EDIL3: variants seen among roughly 807,000 people sequenced by gnomAD.
The protein encoded by EDIL3 is EGF like and discoidin domains 3.
In EDIL3, 37 loss-of-function variants were observed where a neutral mutation model predicts 67.4. The ratio of observed to expected loss-of-function variants is 0.55; its 90% CI spans 0.42 to 0.72. The LOEUF (loss-of-function observed/expected upper bound fraction) is 0.72, where lower values mean the gene tolerates loss of function less well. Ranked by LOEUF, EDIL3 falls within the 30% of genes least tolerant of loss-of-function variation. EDIL3 has a pLI of 0.00. For missense variants in EDIL3, 527 were observed against 586.3 expected, an observed-to-expected ratio of 0.90 and a Z score of 1.04; for synonymous variants, 195 against 196.3, an observed-to-expected ratio of 0.99 and a Z score of 0.05.
intron 6 of EDIL3, among the ~76,000 whole-genome samples, chr5:84,081,219 A>C (rs1171479982): frequency 6.6e-6 from 1 of 152,098 alleles, no homozygotes; most frequent in African/African-American, 2.4e-5. Flanking sequence ...TATTGTACTC[A>C]TCTCTCCTCT....
chr5:84,303,806 C>CTGTGTGTGTG (rs1268139374), intron 1 of EDIL3, among the ~76,000 whole-genome samples: 4 of 101,332 alleles, frequency 3.9e-5, no homozygotes, highest in African/African-American at 6.8e-5. Flanking sequence ...CTCTCTCTCT[C>CTGTGTGTGTG]TCTGTGTGTG....
intron 4 of EDIL3, among the ~76,000 whole-genome samples, chr5:84,144,029 T>A (rs1748249989): frequency 6.6e-6 from 1 of 152,068 alleles, no homozygotes; most frequent in South Asian, 2.1e-4. Flanking sequence ...AGAGCAATGC[T>A]TCATTTAAAA....
intron 6 of EDIL3, among the ~76,000 whole-genome samples, chr5:84,076,513 T>C (rs986084283): frequency 6.6e-6 from 1 of 152,196 alleles, no homozygotes; most frequent in African/African-American, 2.4e-5. Flanking sequence ...CATTATACAT[T>C]GGTCATTTGC....
chr5:84,227,187 C>T (rs465748), intron 3 of EDIL3, among the ~76,000 whole-genome samples: 1,934 of 151,838 alleles, frequency 0.013, 16 homozygotes, highest in Non-Finnish European at 0.021. Flanking sequence ...CAGAAGAAGT[C>T]CTAGCCAGAG....
chr5:83,966,399 CAG>C (rs1481515301), intron 9 of EDIL3, among the ~76,000 whole-genome samples: 2 of 152,162 alleles, frequency 1.3e-5, no homozygotes, highest in Non-Finnish European at 1.5e-5. Flanking sequence ...CACTATGTAT[CAG>C]AGCAGAAAAT....
chr5:84,361,697 ATAAAAG>A (rs1369356864), intron 1 of EDIL3, among the ~76,000 whole-genome samples: 1 of 151,866 alleles, frequency 6.6e-6, no homozygotes. Flanking sequence ...AAAAACATTA[ATAAAAG>A]TTTTCTGGGA....
intron 5 of EDIL3, among the ~76,000 whole-genome samples, chr5:84,133,485 A>G (rs1275856502): frequency 2.0e-5 from 3 of 149,518 alleles, no homozygotes; most frequent in Non-Finnish European, 4.4e-5. Flanking sequence ...AAAAAAAAAA[A>G]AATAGCCAGG....
intron 10 of EDIL3, among the ~76,000 whole-genome samples, chr5:83,946,318 T>A (rs1317564847): frequency 6.6e-6 from 1 of 151,880 alleles, no homozygotes. Context: ...GATCACAAAT[T>A]TGCTGATATA....
chr5:84,213,590 A>C (rs1268333107), intron 3 of EDIL3, among the ~76,000 whole-genome samples: 1 of 152,186 alleles, frequency 6.6e-6, no homozygotes, highest in Non-Finnish European at 1.5e-5. Context: ...GTAACATTTT[A>C]AATATTGGAT....
chr5:83,962,119 A>C (rs1206748099), intron 10 of EDIL3, among the ~76,000 whole-genome samples: 1 of 151,458 alleles, frequency 6.6e-6, no homozygotes, highest in East Asian at 1.9e-4. Flanking sequence ...TTACAGCCCT[A>C]GTGTTTCTGG....
At chr5:84,315,823 T>C (rs1023896782) in intron 1 of EDIL3, among the ~76,000 whole-genome samples, 2 of 151,836 alleles carry the variant, frequency 1.3e-5, no homozygotes, top group African/African-American at 2.4e-5. Context: ...TTCACCCAGG[T>C]TGAAATGAAG....
In EDIL3 at chr5:84,317,174, G is replaced by A. The variant is rs551463875; in HGVS notation, c.68-62962C>T. Among the ~76,000 whole-genome samples, 297 of 152,142 alleles carry A rather than the reference G, an allele frequency of 2.0e-3. 1 individual carries two copies. The highest frequency in any genetic ancestry group is 3.0e-3 in the Non-Finnish European group (205 of 67,984). On this transcript the variant is annotated intron_variant, in intron 1 of 10. Transcript: ENST00000296591. Reference sequence around the variant, plus strand: ...GAGAAAGGAGGAAAGATCTAAAATCGACACCCTAAAATCACAATTAAAAGA... The same window carrying A: ...GAGAAAGGAGGAAAGATCTAAAATCAACACCCTAAAATCACAATTAAAAGA...
At position 84,333,541 on chromosome 5, in the gene EDIL3, A is replaced by T. The variant is rs79711538; in HGVS notation, c.67+50767T>A. Among the ~76,000 whole-genome samples the T allele has an allele frequency of 2.6e-4, 40 of 152,270 alleles. No individual in the cohort carries two copies. The East Asian group carries it at 7.1e-3, about 27-fold the overall frequency. ...AAGATAAATTTCTATGTCAAAAGTAATAAATAACAGGAGACGAGGTATATT... is the reference window on the plus strand; with the variant it reads ...AAGATAAATTTCTATGTCAAAAGTATTAAATAACAGGAGACGAGGTATATT... On this transcript the variant is annotated intron_variant, in intron 1 of 10. Coordinates refer to ENST00000296591, the MANE Select transcript of EDIL3 (RefSeq NM_005711.5).
intron 9 of EDIL3, among the ~76,000 whole-genome samples, chr5:84,023,829 A>G (rs780339396): frequency 1.2e-4 from 19 of 152,162 alleles, no homozygotes; most frequent in Non-Finnish European, 2.1e-4. Flanking sequence ...CTCATTATTA[A>G]TGAAAAAACC....
At chr5:84,110,291 C>A (rs1431871310) in intron 5 of EDIL3, among the ~76,000 whole-genome samples, 2 of 152,116 alleles carry the variant, frequency 1.3e-5, no homozygotes. Context: ...GATGTCATCA[C>A]AATAAAAAGT....
intron 3 of EDIL3, among the ~76,000 whole-genome samples, chr5:84,197,502 T>A (rs1273406919): frequency 2.6e-5 from 4 of 151,810 alleles, no homozygotes; most frequent in Non-Finnish European, 4.4e-5. Flanking sequence ...TCTACTAAAA[T>A]ACAAAAATTA....
chr5:84,170,113 T>C (rs1402420855), intron 4 of EDIL3, among the ~76,000 whole-genome samples: 1 of 152,246 alleles, frequency 6.6e-6, no homozygotes, highest in Non-Finnish European at 1.5e-5. Context: ...TGAAAATTTA[T>C]TCTCTTGTTT....
chr5:84,104,964 AC>A (rs1208356646), intron 6 of EDIL3, among the ~76,000 whole-genome samples: 7 of 152,044 alleles, frequency 4.6e-5, no homozygotes, highest in Admixed American at 3.3e-4. Flanking sequence ...AATTTGCCAA[AC>A]AGAAACCCTG....
At chr5:84,224,910 A>G (rs948663412) in intron 3 of EDIL3, among the ~76,000 whole-genome samples, 89 of 151,734 alleles carry the variant, frequency 5.9e-4, no homozygotes, top group Non-Finnish European at 8.9e-5. Flanking sequence ...TTTGGGGTAC[A>G]GTATCTGCTT....
Sources: allele counts gnomAD v4.1 joint callset (sites outside exome capture counted in the v4.1 genomes callset), GRCh38; gene constraint gnomAD v4.1.1; transcripts MANE v1.5; gene names NCBI Gene and HGNC (gene_info 2026-07-23, HGNC 2026-07-21).